Variants in COX7A2 observed in about 807,000 individuals in gnomAD.
The protein encoded by COX7A2 is cytochrome c oxidase subunit 7A2.
In COX7A2, 11 loss-of-function variants were observed where a neutral mutation model predicts 11.6. The observed-to-expected ratio is 0.95, with a 90% CI of 0.60 to 1.57. The LOEUF (loss-of-function observed/expected upper bound fraction) is 1.57. COX7A2 is among the 40% of genes most tolerant of loss of function. The pLI, the probability that COX7A2 is intolerant of heterozygous loss-of-function variation, is 0.00. For synonymous variants in COX7A2, 30 were observed against 38.2 expected (o/e 0.78, Z 0.79); for missense variants, 106 against 100.9 (o/e 1.05, Z -0.22).
chr6:75,249,701 T>G (rs1428414264), intron 1 of COX7A2, among the ~76,000 whole-genome samples: 2 of 152,234 alleles, frequency 1.3e-5, no homozygotes, highest in African/African-American at 4.8e-5. Flanking sequence ...ATGGTTTGAT[T>G]TGCAGAACAA....
upstream of COX7A2, among the ~76,000 whole-genome samples, chr6:75,247,773 GTTTTA>G (rs1385065100): frequency 6.6e-6 from 1 of 152,004 alleles, no homozygotes; most frequent in Non-Finnish European, 1.5e-5. Flanking sequence ...CATCAGATGG[GTTTTA>G]TTTAACCCTG....
intron 3 of COX7A2, 78 bp downstream of exon 3, chr6:75,240,223 C>T: frequency 9.5e-7 from 1 of 1,054,458 alleles, no homozygotes; most frequent in Admixed American, 2.0e-5. Flanking sequence ...AAAATACTGG[C>T]ATAGCAAAAG....
intron 1 of COX7A2, among the ~76,000 whole-genome samples, chr6:75,242,947 C>A (rs1351285486): frequency 6.6e-6 from 1 of 152,184 alleles, no homozygotes; most frequent in Non-Finnish European, 1.5e-5. Context: ...TCTCTCATTA[C>A]ATTTTTCCTA....
At chr6:75,244,006 G>A, upstream of COX7A2, 1 of 564,062 alleles carries the variant, frequency 1.8e-6, no homozygotes. Flanking sequence ...TGGAGCTAAG[G>A]CTGGGGAAAA....
intron 1 of COX7A2, among the ~76,000 whole-genome samples, chr6:75,242,768 G>A (rs1362509960): frequency 6.7e-6 from 1 of 150,042 alleles, no homozygotes; most frequent in Non-Finnish European, 1.5e-5. Flanking sequence ...GCAGTGAGCC[G>A]AGATCGTGCC....
In COX7A2 at chr6:75,243,760, C is replaced by T; in HGVS notation, c.-26G>A. On this transcript the variant is annotated 5_prime_UTR_variant, in exon 1 of 4. Transcript: ENST00000684430. ...CTTGGCTGTTACTGACCAGCAACCG[C>T]CACAACTGAACACCACCAACGAAAA... 3 of 1,614,070 alleles carry T rather than the reference C, an allele frequency of 1.9e-6. No individual in the cohort carries two copies. In the South Asian group the frequency reaches 3.3e-5, roughly 18 times the overall value.
upstream of COX7A2, among the ~76,000 whole-genome samples, chr6:75,245,913 A>G (rs1485557933): frequency 5.3e-5 from 8 of 152,204 alleles, no homozygotes; most frequent in Non-Finnish European, 1.2e-4. Flanking sequence ...TGATAGTTTG[A>G]AGCATGGTCT....
chr6:75,242,459 TTGCACCAC>T (rs1032983043), intron 1 of COX7A2, among the ~76,000 whole-genome samples: 1 of 151,660 alleles, frequency 6.6e-6, no homozygotes, highest in African/African-American at 2.4e-5. Flanking sequence ...TGAGCCGAGA[TTGCACCAC>T]TGCACTCCAG....
At chr6:75,242,825 AAAAATAAAATAAAAT>A (rs200706977) in intron 1 of COX7A2, among the ~76,000 whole-genome samples, 2 of 10,224 alleles carry the variant, frequency 2.0e-4, no homozygotes, top group Non-Finnish European at 3.0e-3. Flanking sequence ...TCTCAAAAAA[AAAAATAAAATAAAAT>A]AAAATAAAAT....
intron 2 of COX7A2, 51 bp downstream of exon 2, chr6:75,241,125 T>C: frequency 6.4e-7 from 1 of 1,563,108 alleles, no homozygotes; most frequent in Non-Finnish European, 8.8e-7. Context: ...ACTCTTACCT[T>C]TTGGTAATCT....
intron 3 of COX7A2, 116 bp from the exon 4 acceptor site, chr6:75,238,104 C>CA: frequency 1.9e-6 from 1 of 522,216 alleles, no homozygotes. Context: ...AATTGGAACA[C>CA]AAAAAAGTAT....
chr6:75,248,415 T>G (rs1771723666), upstream of COX7A2, among the ~76,000 whole-genome samples: 1 of 152,096 alleles, frequency 6.6e-6, no homozygotes, highest in African/African-American at 2.4e-5. Context: ...CCTAAACATT[T>G]CTTTTCTATT....
intron 3 of COX7A2, among the ~76,000 whole-genome samples, chr6:75,239,749 C>T (rs1038267241): frequency 9.2e-5 from 14 of 152,162 alleles, no homozygotes; most frequent in African/African-American, 3.1e-4. Context: ...ATCAATGGGA[C>T]TCAGAAAGCC....
At chr6:75,248,850 T>C (rs560927234) in intron 1 of COX7A2, among the ~76,000 whole-genome samples, 1 of 152,208 alleles carries the variant, frequency 6.6e-6, no homozygotes, top group African/African-American at 2.4e-5. Context: ...ATTAGGAATA[T>C]CATACATAAC....
chr6:75,243,878 C>A, upstream of COX7A2: 1 of 1,558,012 alleles, frequency 6.4e-7, no homozygotes, highest in Non-Finnish European at 8.8e-7. Context: ...GCGCTCCTAA[C>A]CATAGAGAGC....
chr6:75,243,931 C>A, upstream of COX7A2: 1 of 1,034,250 alleles, frequency 9.7e-7, no homozygotes, highest in Non-Finnish European at 1.4e-6. Flanking sequence ...TCCGCTCTAG[C>A]CGGCTCGCCG....
At chr6:75,240,238 A>G in intron 3 of COX7A2, 63 bp downstream of exon 3, 5 of 1,244,286 alleles carry the variant, frequency 4.0e-6, no homozygotes, top group South Asian at 3.8e-5. Context: ...CAAAAGCAAT[A>G]AAGTTATCAG....
chr6:75,241,636 A>G (rs1272526014), intron 1 of COX7A2, among the ~76,000 whole-genome samples: 1 of 152,200 alleles, frequency 6.6e-6, no homozygotes, highest in Non-Finnish European at 1.5e-5. Context: ...AAATATTTTC[A>G]TAATATACTG....
upstream of COX7A2, among the ~76,000 whole-genome samples, chr6:75,245,040 G>C (rs1053576806): frequency 7.9e-5 from 12 of 152,160 alleles, no homozygotes; most frequent in Non-Finnish European, 2.9e-5. Flanking sequence ...GCTCTCTTAT[G>C]TTTTCTCCAC....
Sources: allele counts gnomAD v4.1 joint callset (sites outside exome capture counted in the v4.1 genomes callset), GRCh38; gene constraint gnomAD v4.1.1; transcripts MANE v1.5; gene names NCBI Gene and HGNC (gene_info 2026-07-23, HGNC 2026-07-21).